Variants in VRK3 observed in about 807,000 individuals in gnomAD.
The protein encoded by VRK3 is VRK serine/threonine kinase 3, also known as serine/threonine-protein kinase VRK3.
Under a neutral mutation model 60.4 loss-of-function variants are expected in VRK3, and 50 were observed. The observed-to-expected ratio is 0.83, with a 90% CI of 0.66 to 1.05. The LOEUF (loss-of-function observed/expected upper bound fraction) is 1.05. VRK3 is among the 50% of genes least tolerant of loss of function. VRK3 has a pLI of 0.00. For synonymous variants in VRK3, 246 were observed against 227.8 expected, an observed-to-expected ratio of 1.08 and a Z score of -0.72; for missense variants, 549 against 585.3, an observed-to-expected ratio of 0.94 and a Z score of 0.64.
chr19:50,018,708 T>C lies in VRK3; in HGVS notation c.-2+1877A>G, dbSNP rs575808109. On this transcript the variant is annotated intron_variant, in intron 2 of 14. Transcript: ENST00000316763. Reference sequence around the variant, plus strand: ...TAATATGTAAAATAACATCTCTTTCTCAAAGGCACAAATACTGGTGAGCAT... The same window carrying C: ...TAATATGTAAAATAACATCTCTTTCCCAAAGGCACAAATACTGGTGAGCAT... 2.0e-5 allele frequency among the ~76,000 whole-genome samples: 3 copies of C among 152,174 alleles called. No homozygotes were observed. The South Asian group carries it at 6.2e-4, about 32-fold the overall frequency.
intron 4 of VRK3, 62 bp downstream of exon 4, chr19:50,009,174 A>G: frequency 6.4e-7 from 1 of 1,558,474 alleles, no homozygotes; most frequent in Non-Finnish European, 8.7e-7. Context: ...TGTCCCAAAG[A>G]TCATCAGATG....
chr19:50,004,311 A>C (rs2076858086), intron 5 of VRK3, among the ~76,000 whole-genome samples: 4 of 143,290 alleles, frequency 2.8e-5, no homozygotes, highest in South Asian at 4.4e-4. Flanking sequence ...CTGCTCTCTC[A>C]CCTCAATCTC....
chr19:50,000,635 G>A (rs1243303940), intron 6 of VRK3, 155 bp downstream of exon 6: 5 of 812,476 alleles, frequency 6.2e-6, no homozygotes, highest in African/African-American at 5.2e-5. Context: ...TGGAGAACTG[G>A]GCGCCTGCCC....
intron 1 of VRK3, among the ~76,000 whole-genome samples, chr19:50,022,799 T>A: frequency 6.6e-6 from 1 of 151,822 alleles, no homozygotes; most frequent in East Asian, 1.9e-4. Context: ...GTCTCATAAA[T>A]AAACAAATAA....
intron 13 of VRK3, 87 bp from the exon 14 acceptor site, chr19:49,979,329 G>T: frequency 6.3e-7 from 1 of 1,587,764 alleles, no homozygotes; most frequent in Non-Finnish European, 8.6e-7. Context: ...AGGATGGAGG[G>T]GTGGGGGACT....
At chr19:50,003,969 G>A (rs2076852172) in intron 5 of VRK3, among the ~76,000 whole-genome samples, 1 of 152,260 alleles carries the variant, frequency 6.6e-6, no homozygotes, top group Non-Finnish European at 1.5e-5. Flanking sequence ...GGGAGGCAGA[G>A]GCAGGAGGAT....
chr19:50,003,262 A>G (rs2076838790), intron 5 of VRK3, among the ~76,000 whole-genome samples: 1 of 152,188 alleles, frequency 6.6e-6, no homozygotes, highest in Non-Finnish European at 1.5e-5. Flanking sequence ...GCCAACACCT[A>G]AACTTCGTAC....
chr19:50,001,785 C>T (rs1600692639), intron 5 of VRK3, among the ~76,000 whole-genome samples: 1 of 152,190 alleles, frequency 6.6e-6, no homozygotes, highest in East Asian at 1.9e-4. Context: ...ATCCCAGCTC[C>T]TCCATCTGCT....
chr19:49,994,166 C>T (rs957103008), intron 9 of VRK3, among the ~76,000 whole-genome samples: 2 of 152,164 alleles, frequency 1.3e-5, no homozygotes, highest in Admixed American at 6.5e-5. Context: ...ATCCCTCCAG[C>T]GATGCAAACT....
chr19:50,005,423 AC>A (rs2076875354), intron 5 of VRK3, among the ~76,000 whole-genome samples: 1 of 149,552 alleles, frequency 6.7e-6, no homozygotes, highest in African/African-American at 2.6e-5. Flanking sequence ...TTCCTGGAAA[AC>A]TTGGAAGATT....
intron 1 of VRK3, among the ~76,000 whole-genome samples, chr19:50,023,470 C>T (rs530285861): frequency 3.0e-4 from 45 of 152,320 alleles, no homozygotes; most frequent in African/African-American, 6.0e-4. Flanking sequence ...CTCGAGCCAC[C>T]GTGCCTGGCC....
intron 12 of VRK3, 149 bp from the exon 13 acceptor site, chr19:49,981,162 A>G (rs982991992): frequency 8.2e-6 from 6 of 730,390 alleles, no homozygotes; most frequent in Admixed American, 4.3e-5. Flanking sequence ...GTCACTGTGA[A>G]CACTGAATCA....
chr19:50,007,780 G>T lies in VRK3; in HGVS notation c.336C>A (p.Thr112=), dbSNP rs1448814779. 1 of 1,614,150 alleles carries T rather than the reference G, an allele frequency of 6.2e-7. No homozygotes were observed. The highest frequency in any genetic ancestry group is 8.5e-7 in the Non-Finnish European group (1 of 1,180,034). The change falls in exon 5 of 15, where the codon ACC becomes ACA. Residue 112 remains threonine (T), a synonymous_variant. Coordinates refer to ENST00000316763, the MANE Select transcript of VRK3 (RefSeq NM_016440.4). ...PPTPKSSPQK[T]RKSPQVTRGS... is the part of the protein sequence containing the mutation. ...CCCTGGTCACCTGAGGGCTCTTCCT[G>T]GTCTTCTGAGGGCTGCTTTTGGGGG...
At position 49,995,251 on chromosome 19, in the gene VRK3, G is replaced by A. The variant is rs184543704; in HGVS notation, c.704C>T (p.Ser235Leu). 2.7e-5 allele frequency: 43 copies of A among 1,614,170 alleles called. No individual in the cohort carries two copies. In the East Asian group the frequency reaches 9.4e-4, roughly 35 times the overall value. ...GGTAGGGATGGCCAGCAGTGGGGTC[G>A]AGTACAGCTTCTTCCACTTGTTGAC... ...LQVNKWKKLYSTPLLAIPTCM... is the reference protein window; with the variant it reads ...LQVNKWKKLYLTPLLAIPTCM... Residue 235 changes from serine to leucine, a missense_variant, in exon 8 of 15, where the codon TCG (serine) becomes TTG (leucine). Transcript: ENST00000316763.
intron 7 of VRK3, 184 bp downstream of exon 7, chr19:49,997,320 G>C (rs186426168): frequency 5.2e-6 from 3 of 573,128 alleles, no homozygotes; most frequent in Middle Eastern, 2.9e-4. Flanking sequence ...GCTGGTGTGA[G>C]CCAGTCACAA....
chr19:50,012,033 G>A (rs573198809), intron 3 of VRK3, among the ~76,000 whole-genome samples: 4 of 150,780 alleles, frequency 2.7e-5, no homozygotes, highest in South Asian at 4.2e-4. Flanking sequence ...GTGCAATGGC[G>A]CAATCTTGGC....
intron 9 of VRK3, 41 bp downstream of exon 9, chr19:49,994,773 C>T (rs1243520097): frequency 6.4e-7 from 1 of 1,566,530 alleles, no homozygotes; most frequent in East Asian, 2.2e-5. Flanking sequence ...ATGTGATGTG[C>T]CCTCCCTGAC....
At position 50,005,731 on chromosome 19, in the gene VRK3, C is replaced by T. The variant is rs1212754464; in HGVS notation, c.547+1838G>A. 2.7e-5 allele frequency among the ~76,000 whole-genome samples: 4 copies of T among 149,690 alleles called. 1 individual carries two copies. The highest frequency in any genetic ancestry group is 1.0e-4 in the African/African-American group (4 of 39,010). On this transcript the variant is annotated intron_variant, in intron 5 of 14. Coordinates refer to ENST00000316763, the MANE Select transcript of VRK3 (RefSeq NM_016440.4). ...AGTGACGCGCCACAGCATGGATGCA[C>T]CTTGAGCACACGCCGCTGGGTGAGG...
At chr19:50,022,987 C>A (rs1477094901) in intron 1 of VRK3, among the ~76,000 whole-genome samples, 1 of 152,168 alleles carries the variant, frequency 6.6e-6, no homozygotes, top group African/African-American at 2.4e-5. Flanking sequence ...CACGCTGAGT[C>A]AGCCACAACA....
Sources: allele counts gnomAD v4.1 joint callset (sites outside exome capture counted in the v4.1 genomes callset), GRCh38; gene constraint gnomAD v4.1.1; transcripts MANE v1.5; gene names NCBI Gene and HGNC (gene_info 2026-07-23, HGNC 2026-07-21).